The following KIF21A variants were observed in gnomAD, a reference collection of about 807,000 sequenced individuals.
The protein encoded by KIF21A is kinesin family member 21A.
Under a neutral mutation model 202.9 loss-of-function variants are expected in KIF21A, and 114 were observed. That is an observed-to-expected ratio of 0.56 (90% confidence interval 0.48 to 0.66). The LOEUF (loss-of-function observed/expected upper bound fraction) is 0.66. Among genes scored for constraint, KIF21A ranks in the 30% least tolerant of loss-of-function variants. The pLI, the probability that KIF21A is intolerant of heterozygous loss-of-function variation, is 0.00. For synonymous variants in KIF21A, 667 were observed against 670.8 expected, an observed-to-expected ratio of 0.99 and a Z score of 0.09; for missense variants, 1,677 against 1,994.9, an observed-to-expected ratio of 0.84 and a Z score of 3.04.
chr12:39,429,452 C>G (rs1955014790), intron 1 of KIF21A, among the ~76,000 whole-genome samples: 1 of 152,096 alleles, frequency 6.6e-6, no homozygotes, highest in African/African-American at 2.4e-5. Context: ...CTATTATCAT[C>G]CCTTTTCTTC....
chr12:39,338,866 A>C (rs1352600954), intron 16 of KIF21A, among the ~76,000 whole-genome samples: 1 of 152,246 alleles, frequency 6.6e-6, no homozygotes, highest in African/African-American at 2.4e-5. Context: ...CTGTTGGAAA[A>C]ATAGTGCCAA....
Position 39,366,356 on chromosome 12 carries a change from A to G in KIF21A, c.897T>C (p.Cys299=). The change falls in exon 6 of 38, where the codon TGT becomes TGC. Residue 299 remains cysteine (C), a synonymous_variant. Transcript: ENST00000361418. ...ERAKEGISIN[C]GLLALGNVIS... Reference sequence around the variant, plus strand: ...CACAAAGCCTTAATCTTACAAGTCCACAGTTGATAGAAATGCCTTCTTTTG... The same window carrying G: ...CACAAAGCCTTAATCTTACAAGTCCGCAGTTGATAGAAATGCCTTCTTTTG... 6.2e-7 allele frequency: 1 copy of G among 1,613,858 alleles called. No homozygotes were observed. The highest frequency in any genetic ancestry group is 8.5e-7 in the Non-Finnish European group (1 of 1,179,732).
intron 11 of KIF21A, among the ~76,000 whole-genome samples, chr12:39,350,055 T>G (rs1948236813): frequency 1.3e-5 from 2 of 152,010 alleles, no homozygotes; most frequent in African/African-American, 2.4e-5. Flanking sequence ...TTCTAAGCTA[T>G]CTTTCATTTC....
intron 26 of KIF21A, among the ~76,000 whole-genome samples, chr12:39,323,884 G>T (rs1035066481): frequency 6.6e-6 from 1 of 152,252 alleles, no homozygotes; most frequent in South Asian, 2.1e-4. Flanking sequence ...GCCGAGGCAG[G>T]TGGATCACGA....
At chr12:39,328,137 A>G (rs1374946117) in intron 24 of KIF21A, among the ~76,000 whole-genome samples, 1 of 152,142 alleles carries the variant, frequency 6.6e-6, no homozygotes, top group Admixed American at 6.6e-5. Flanking sequence ...CAGCTCTCAG[A>G]GCGTTCCCAG....
At chr12:39,356,137 T>C (rs767139663) in intron 10 of KIF21A, among the ~76,000 whole-genome samples, 12 of 152,214 alleles carry the variant, frequency 7.9e-5, no homozygotes, top group Non-Finnish European at 1.6e-4. Context: ...GAAAATATTA[T>C]TGACTTAATC....
intron 17 of KIF21A, among the ~76,000 whole-genome samples, chr12:39,335,896 C>T (rs764501983): frequency 5.9e-5 from 9 of 152,060 alleles, no homozygotes; most frequent in Admixed American, 4.6e-4. Flanking sequence ...ACAAAATATC[C>T]GCTATCCACT....
At chr12:39,297,026 T>G (rs1046984830) in intron 37 of KIF21A, among the ~76,000 whole-genome samples, 62 of 152,186 alleles carry the variant, frequency 4.1e-4, no homozygotes, top group Non-Finnish European at 4.4e-5. Context: ...AAGTAGAGGA[T>G]GTGGTAAGAA....
In KIF21A at chr12:39,341,000, C is replaced by T; in HGVS notation, c.2016G>A (p.Gln672=). 1 of 1,612,882 alleles carries T rather than the reference C, an allele frequency of 6.2e-7. No individual in the cohort carries two copies. The highest frequency in any genetic ancestry group is 1.3e-5 in the African/African-American group (1 of 74,988). Residue 672 remains glutamine (Q), a synonymous_variant, in exon 15 of 38, where the codon CAG becomes CAA. Transcript: ENST00000361418. ...DELENSQKRL[Q]TLKKQYEEKL... is the part of the protein sequence containing the mutation. ...TCTCTTCATACTGCTTTTTCAGAGT[C>T]TGCAGTCTTTTCTGGCTGTTTTCTA... is the stretch of plus-strand genomic sequence containing the variant.
At chr12:39,315,331 CAGAG>C in intron 30 of KIF21A, 91 bp from the exon 31 acceptor site, 2 of 1,141,494 alleles carry the variant, frequency 1.8e-6, no homozygotes, top group Admixed American at 1.8e-5. Context: ...GGGAATGAGA[CAGAG>C]AGAAAGAGAA....
chr12:39,332,971 C>G lies in KIF21A; in HGVS notation c.2624G>C (p.Arg875Thr). 1.2e-6 allele frequency: 2 copies of G among 1,614,164 alleles called. No homozygotes were observed. Among genetic ancestry groups the G allele is most frequent in the Non-Finnish European group, 1.7e-6 (2 of 1,180,024 alleles). ...SAAAVETDAS[R>T]TGAQQKMRIP... is the part of the protein sequence containing the mutation. ...TCTCATTTTCTGCTGGGCTCCTGTC[C>G]TTGATGCATCTGTTTCGACAGCAGC... The change falls in exon 19 of 38, where the codon AGG becomes ACG. Residue 875 changes from arginine to threonine, a missense_variant. Arg to Thr is a moderately conservative substitution (Grantham distance 71). Around this residue, in one of 3 missense-constraint regions of KIF21A, gnomAD observed 966 missense variants for 1,180.9 expected, o/e 0.82. Transcript: ENST00000361418.
chr12:39,407,229 T>C (rs1952665232), intron 1 of KIF21A, among the ~76,000 whole-genome samples: 1 of 152,038 alleles, frequency 6.6e-6, no homozygotes, highest in African/African-American at 2.4e-5. Context: ...ACAGTGGGGG[T>C]CAAAACAGTA....
chr12:39,386,724 G>A (rs113608089), intron 1 of KIF21A, among the ~76,000 whole-genome samples: 1,695 of 152,256 alleles, frequency 0.011, 22 homozygotes, highest in African/African-American at 0.03. Context: ...TCAGGCAGAC[G>A]TCTAAGTGAA....
intron 10 of KIF21A, among the ~76,000 whole-genome samples, chr12:39,356,347 T>C (rs939624136): frequency 6.6e-6 from 1 of 152,166 alleles, no homozygotes; most frequent in Non-Finnish European, 1.5e-5. Context: ...ATGTGTGGCA[T>C]GTTGTATGAA....
chr12:39,309,917 G>T, intron 32 of KIF21A, 151 bp from the exon 33 acceptor site: 1 of 707,460 alleles, frequency 1.4e-6, no homozygotes, highest in Non-Finnish European at 2.3e-6. Context: ...CTTCATCCTT[G>T]ACCCTCTGCA....
intron 7 of KIF21A, among the ~76,000 whole-genome samples, chr12:39,360,669 G>A (rs961989146): frequency 5.3e-5 from 8 of 152,134 alleles, no homozygotes; most frequent in Admixed American, 5.2e-4. Flanking sequence ...GGGATTACAG[G>A]TTTGAGCCAC....
chr12:39,363,003 C>T, intron 7 of KIF21A, 95 bp downstream of exon 7: 1 of 812,870 alleles, frequency 1.2e-6, no homozygotes, highest in South Asian at 1.4e-5. Context: ...TATTAGTTTG[C>T]TTTGCAATAA....
chr12:39,296,491 G>C (rs1341057478), intron 37 of KIF21A, among the ~76,000 whole-genome samples: 1 of 152,130 alleles, frequency 6.6e-6, no homozygotes, highest in Non-Finnish European at 1.5e-5. Context: ...TTAAACTATA[G>C]AGTATATTAG....
intron 1 of KIF21A, among the ~76,000 whole-genome samples, chr12:39,436,448 A>ATATATATATATATATATT (rs1387332677): frequency 1.7e-4 from 16 of 95,758 alleles, no homozygotes; most frequent in African/African-American, 7.1e-4. Flanking sequence ...ATATATATAT[A>ATATATATATATATATATT]TTTTTTTTTT....
Sources: allele counts gnomAD v4.1 joint callset (sites outside exome capture counted in the v4.1 genomes callset), GRCh38; gene constraint gnomAD v4.1.1; regional missense constraint gnomAD v4.1.1; transcripts MANE v1.5; gene names NCBI Gene and HGNC (gene_info 2026-07-23, HGNC 2026-07-21).